ALK: variants seen among roughly 807,000 people sequenced by gnomAD.
ALK encodes the protein ALK receptor tyrosine kinase, also known as ALK tyrosine kinase receptor.
Under a neutral mutation model 163.1 loss-of-function variants are expected in ALK, and 74 were observed. The ratio of observed to expected loss-of-function variants is 0.45; its 90% CI spans 0.38 to 0.55. The LOEUF is 0.55. Among genes scored for constraint, ALK ranks in the 20% least tolerant of loss-of-function variants. ALK has a pLI of 0.00. For synonymous variants in ALK, 960 were observed against 843.2 expected (o/e 1.14, Z -2.40); for missense variants, 2,063 against 2,105.3 (o/e 0.98, Z 0.39).
At chr2:29,715,302 T>A (rs1679214450) in intron 2 of ALK, among the ~76,000 whole-genome samples, 1 of 152,220 alleles carries the variant, frequency 6.6e-6, no homozygotes, top group Admixed American at 6.5e-5. Flanking sequence ...TACCCAGAAC[T>A]TGGGCAGTAA....
At chr2:29,495,410 A>C (rs1672000253) in intron 4 of ALK, among the ~76,000 whole-genome samples, 1 of 152,148 alleles carries the variant, frequency 6.6e-6, no homozygotes, top group Admixed American at 6.5e-5. Flanking sequence ...TCCCCTCTCA[A>C]GACAACCTTC....
intron 3 of ALK, among the ~76,000 whole-genome samples, chr2:29,559,061 G>A (rs1229086598): frequency 1.3e-5 from 2 of 152,164 alleles, no homozygotes; most frequent in African/African-American, 2.4e-5. Context: ...TACCTTGAAG[G>A]GTTCAGACAG....
intron 4 of ALK, among the ~76,000 whole-genome samples, chr2:29,511,734 G>A (rs1326438931): frequency 6.6e-6 from 1 of 152,162 alleles, no homozygotes; most frequent in Non-Finnish European, 1.5e-5. Flanking sequence ...TTTCCAAAGT[G>A]ATTATACCAT....
In ALK at chr2:29,815,504, T is replaced by C. The variant is rs139755053; in HGVS notation, c.668-97807A>G. Reference sequence around the variant, plus strand: ...TGGGACTCTGCGCCGGGCCCCTTCTTCCACCAGTCCCTCTCTGAGGAAGGA... The same window carrying C: ...TGGGACTCTGCGCCGGGCCCCTTCTCCCACCAGTCCCTCTCTGAGGAAGGA... On this transcript the variant is annotated intron_variant, in intron 1 of 28. Transcript: ENST00000389048. 7.9e-4 allele frequency among the ~76,000 whole-genome samples: 121 copies of C among 152,232 alleles called. 2 individuals carry two copies. The East Asian group carries it at 0.02, about 26-fold the overall frequency.
At chr2:29,768,717 G>A (rs900286016) in intron 1 of ALK, among the ~76,000 whole-genome samples, 14 of 140,140 alleles carry the variant, frequency 1.0e-4, no homozygotes, top group African/African-American at 1.6e-4. Context: ...ATATGTCTGT[G>A]TGTGTGTGTG....
chr2:29,204,542 T>G (rs975515292), intron 26 of ALK, among the ~76,000 whole-genome samples: 2 of 152,106 alleles, frequency 1.3e-5, no homozygotes, highest in Non-Finnish European at 2.9e-5. Context: ...AAGTACCATT[T>G]TCATCACATC....
intron 3 of ALK, among the ~76,000 whole-genome samples, chr2:29,666,327 C>T (rs1225389840): frequency 2.0e-5 from 3 of 151,148 alleles, no homozygotes; most frequent in Non-Finnish European, 4.4e-5. Context: ...TTTTTTTTCT[C>T]CCCACTGCTT....
chr2:29,200,772 CGT>C (rs1558608808), intron 26 of ALK, among the ~76,000 whole-genome samples: 3 of 110,978 alleles, frequency 2.7e-5, no homozygotes, highest in African/African-American at 6.9e-5. Context: ...TATATATATA[CGT>C]ATATATATGT....
chr2:29,798,894 G>A (rs1008962906), intron 1 of ALK, among the ~76,000 whole-genome samples: 4 of 152,204 alleles, frequency 2.6e-5, no homozygotes, highest in East Asian at 3.8e-4. Context: ...GTGTGATGGC[G>A]AGGACACTGC....
At chr2:29,721,536 C>T (rs897208905) in intron 1 of ALK, among the ~76,000 whole-genome samples, 5 of 152,228 alleles carry the variant, frequency 3.3e-5, no homozygotes, top group African/African-American at 1.2e-4. Flanking sequence ...TCCAATTCCC[C>T]ATATGCTTCC....
chr2:29,320,362 C>G (rs912774090), intron 7 of ALK, among the ~76,000 whole-genome samples: 7 of 152,144 alleles, frequency 4.6e-5, no homozygotes, highest in Non-Finnish European at 1.0e-4. Context: ...GCAAATGACA[C>G]AAGGACTTGC....
intron 1 of ALK, among the ~76,000 whole-genome samples, chr2:29,765,621 TAA>T (rs919021927): frequency 1.3e-5 from 2 of 151,924 alleles, no homozygotes; most frequent in African/African-American, 4.8e-5. Flanking sequence ...GCTTTTAGAA[TAA>T]AAAAAGAGTA....
chr2:29,572,745 T>C (rs993405567), intron 3 of ALK, among the ~76,000 whole-genome samples: 8 of 152,232 alleles, frequency 5.3e-5, no homozygotes, highest in Non-Finnish European at 7.3e-5. Context: ...ACATGGGAGC[T>C]GAACAGATGA....
intron 3 of ALK, among the ~76,000 whole-genome samples, chr2:29,682,440 T>C (rs1363918463): frequency 1.3e-5 from 2 of 152,186 alleles, no homozygotes; most frequent in East Asian, 1.9e-4. Context: ...GGATATAATC[T>C]GTGTTTAGAG....
intron 4 of ALK, among the ~76,000 whole-genome samples, chr2:29,412,344 A>G (rs1669744494): frequency 6.6e-6 from 1 of 152,228 alleles, no homozygotes; most frequent in Non-Finnish European, 1.5e-5. Flanking sequence ...TTGCTCCTGT[A>G]GTACAGTGGC....
intron 1 of ALK, among the ~76,000 whole-genome samples, chr2:29,818,044 A>G (rs1176416274): frequency 6.6e-6 from 1 of 152,214 alleles, no homozygotes; most frequent in African/African-American, 2.4e-5. Flanking sequence ...CAGAGAACAA[A>G]GTGCATTACA....
At chr2:29,210,409 A>G (rs1669431863) in intron 24 of ALK, among the ~76,000 whole-genome samples, 1 of 152,196 alleles carries the variant, frequency 6.6e-6, no homozygotes, top group Non-Finnish European at 1.5e-5. Context: ...ATTCAAGTAG[A>G]TTAAGATATT....
At chr2:29,755,857 C>CCCAT (rs1243015105) in intron 1 of ALK, among the ~76,000 whole-genome samples, 2 of 152,134 alleles carry the variant, frequency 1.3e-5, no homozygotes, top group African/African-American at 4.8e-5. Context: ...TGCCGCATCA[C>CCCAT]CCATCCATCC....
intron 23 of ALK, among the ~76,000 whole-genome samples, chr2:29,218,774 T>C (rs963767422): frequency 2.4e-4 from 36 of 152,362 alleles, no homozygotes; most frequent in Admixed American, 3.3e-4. Flanking sequence ...CAAAGTGTGA[T>C]GCCACGTGTC....
Sources: gnomAD v4.1 joint callset for allele counts (sites outside exome capture counted in the v4.1 genomes callset) on GRCh38, gnomAD v4.1.1 for gene constraint, MANE v1.5 for transcripts, NCBI Gene and HGNC (gene_info 2026-07-23, HGNC 2026-07-21) for gene names.